NFYC: variants seen among roughly 807,000 people sequenced by gnomAD.
NFYC encodes the protein nuclear transcription factor Y subunit gamma, also known as CAAT box DNA-binding protein subunit C.
In NFYC, 25 loss-of-function variants were observed where a neutral mutation model predicts 53.1. The ratio of observed to expected loss-of-function variants is 0.47; its 90% CI spans 0.34 to 0.66. The LOEUF (loss-of-function observed/expected upper bound fraction) is 0.66. NFYC is among the 30% of genes least tolerant of loss of function. NFYC has a pLI of 0.01. For synonymous variants in NFYC, 145 were observed against 152.6 expected (o/e 0.95, Z 0.37); for missense variants, 260 against 422.7 (o/e 0.62, Z 3.38).
At chr1:40,701,367 C>T (rs1643426061) in intron 1 of NFYC, among the ~76,000 whole-genome samples, 1 of 152,190 alleles carries the variant, frequency 6.6e-6, no homozygotes, top group African/African-American at 2.4e-5. Flanking sequence ...TCCCAAAGTG[C>T]TGGGATTAAA....
intron 1 of NFYC, among the ~76,000 whole-genome samples, chr1:40,700,496 C>A (rs986000403): frequency 6.6e-6 from 1 of 152,166 alleles, no homozygotes; most frequent in East Asian, 1.9e-4. Context: ...GATGTAGTAC[C>A]ATGCCTGCCC....
chr1:40,747,841 GT>G (rs1227259090), intron 3 of NFYC, among the ~76,000 whole-genome samples: 3,838 of 136,924 alleles, frequency 0.028, 126 homozygotes, highest in African/African-American at 0.09. Context: ...TTGATGTTGG[GT>G]TTTTTTTTTT....
chr1:40,730,117 C>T (rs567960222), intron 1 of NFYC, among the ~76,000 whole-genome samples: 7 of 152,000 alleles, frequency 4.6e-5, no homozygotes, highest in Non-Finnish European at 1.0e-4. Context: ...CCCAAGTGAT[C>T]CTCCCACCTC....
At chr1:40,717,724 G>T (rs1457255263) in intron 1 of NFYC, among the ~76,000 whole-genome samples, 1 of 152,126 alleles carries the variant, frequency 6.6e-6, no homozygotes, top group Non-Finnish European at 1.5e-5. Context: ...CAAAGACTAG[G>T]TTTTATTTTT....
At chr1:40,708,327 C>T (rs7518344) in intron 1 of NFYC, among the ~76,000 whole-genome samples, 119,402 of 152,116 alleles carry the variant, frequency 0.78, 47,497 homozygotes, top group African/African-American at 0.9. Context: ...CTCTTAAAAA[C>T]AAGTATACAT....
intron 9 of NFYC, 61 bp downstream of exon 9, chr1:40,769,476 G>GTATC (rs1646978608): frequency 2.7e-6 from 4 of 1,490,172 alleles, no homozygotes; most frequent in Middle Eastern, 3.4e-4. Context: ...GTAGCAGGTA[G>GTATC]TATCTGGGTT....
chr1:40,698,020 C>T (rs1044881894), intron 1 of NFYC, among the ~76,000 whole-genome samples: 4 of 152,186 alleles, frequency 2.6e-5, no homozygotes, highest in African/African-American at 9.6e-5. Flanking sequence ...AGAGTCTAAT[C>T]TTTGCATTTG....
At chr1:40,758,417 G>C (rs1474853113) in intron 6 of NFYC, 123 bp downstream of exon 6, 6 of 1,137,420 alleles carry the variant, frequency 5.3e-6, no homozygotes, top group Admixed American at 3.0e-5. Flanking sequence ...TTAAAGTCTG[G>C]AAACTGGAAC....
At chr1:40,741,493 C>T (rs1645338300) in intron 2 of NFYC, among the ~76,000 whole-genome samples, 1 of 152,132 alleles carries the variant, frequency 6.6e-6, no homozygotes, top group Non-Finnish European at 1.5e-5. Flanking sequence ...GATGTAACCC[C>T]ATTGTAAGTA....
intron 6 of NFYC, among the ~76,000 whole-genome samples, chr1:40,758,762 G>A (rs974836848): frequency 2.0e-5 from 3 of 152,078 alleles, no homozygotes; most frequent in Non-Finnish European, 2.9e-5. Flanking sequence ...CTCTTTTTAC[G>A]ATAGTAATCA....
At chr1:40,706,780 A>G (rs1013161493) in intron 1 of NFYC, among the ~76,000 whole-genome samples, 1 of 152,216 alleles carries the variant, frequency 6.6e-6, no homozygotes, top group Non-Finnish European at 1.5e-5. Context: ...TACCACTGGT[A>G]GACTTCAGCA....
chr1:40,719,544 C>CT (rs1352620332), intron 1 of NFYC, among the ~76,000 whole-genome samples: 1 of 152,220 alleles, frequency 6.6e-6, no homozygotes, highest in African/African-American at 2.4e-5. Flanking sequence ...AGTCCCACTC[C>CT]TTTGATGCAA....
rs1647007885 is a variant in NFYC, at chr1:40,770,022, CT to C, written c.888+609del. 6.6e-6 allele frequency among the ~76,000 whole-genome samples: 1 copy of C among 152,226 alleles called. No individual in the cohort carries two copies. The highest frequency in any genetic ancestry group is 1.5e-5 in the Non-Finnish European group (1 of 68,042). ...AGCTGGCATCAGGACCCACCTCTGG[CT>C]TCTGCCAGCACCACATGCTAGGCTT... On this transcript the variant is annotated intron_variant, in intron 9 of 9. Coordinates refer to ENST00000447388, the MANE Select transcript of NFYC (RefSeq NM_014223.5). This position sits in a 1 kb window ranked among gnomAD's most constrained non-coding sequence, Gnocchi z 5.3.
chr1:40,760,291 G>A (rs1218892766), intron 6 of NFYC, among the ~76,000 whole-genome samples: 1 of 152,216 alleles, frequency 6.6e-6, no homozygotes, highest in Non-Finnish European at 1.5e-5. Flanking sequence ...ATTTGGCCAG[G>A]TGCGGTGGCT....
chr1:40,711,214 A>G (rs992782292), intron 1 of NFYC, among the ~76,000 whole-genome samples: 5 of 152,330 alleles, frequency 3.3e-5, no homozygotes, highest in East Asian at 3.9e-4. Flanking sequence ...GAGTAGTTGT[A>G]TTTGTGAAAG....
chr1:40,698,363 G>GAAA (rs774076369), intron 1 of NFYC, among the ~76,000 whole-genome samples: 2 of 136,010 alleles, frequency 1.5e-5, no homozygotes, highest in Admixed American at 1.5e-4. Context: ...TTCCCTCTTT[G>GAAA]AAAAAAAAAA....
At chr1:40,707,135 A>G (rs1341329316) in intron 1 of NFYC, among the ~76,000 whole-genome samples, 1 of 151,014 alleles carries the variant, frequency 6.6e-6, no homozygotes, top group Non-Finnish European at 1.5e-5. Context: ...GCACCGTTGT[A>G]CTCTAGCCTA....
chr1:40,770,456 A>G lies in NFYC; in HGVS notation c.889-253A>G. ...TAACGGGAGAGGCAGAGCCCAGAGA[A>G]GTGAAAGCCACAGGAAATTCAACTC... On this transcript the variant is annotated intron_variant, in intron 9 of 9. Coordinates refer to ENST00000447388, the MANE Select transcript of NFYC (RefSeq NM_014223.5). The surrounding 1 kb of genome is among the most constrained non-coding windows in gnomAD (Gnocchi z 5.3). The G allele has an allele frequency of 6.4e-7, 1 of 1,550,758 alleles. No homozygotes were observed. Among genetic ancestry groups the G allele is most frequent in the Non-Finnish European group, 8.7e-7 (1 of 1,146,974 alleles).
intron 8 of NFYC, among the ~76,000 whole-genome samples, chr1:40,768,350 T>C (rs564358145): frequency 1.3e-5 from 2 of 152,352 alleles, no homozygotes; most frequent in African/African-American, 4.8e-5. Context: ...AGGCATCTTA[T>C]AGGCTGTTGG....
Sources: gnomAD v4.1 joint callset for allele counts (sites outside exome capture counted in the v4.1 genomes callset) on GRCh38, gnomAD v4.1.1 for gene constraint, Gnocchi (gnomAD v3.1) non-coding constraint, MANE v1.5 for transcripts, NCBI Gene and HGNC (gene_info 2026-07-23, HGNC 2026-07-21) for gene names.